Variants in SESTD1 observed in about 807,000 individuals in gnomAD.
SESTD1 encodes SEC14 domain and spectrin repeat-containing protein 1.
SESTD1 carries 43 observed loss-of-function variants against 101.7 expected under a neutral mutation model. The ratio of observed to expected loss-of-function variants is 0.42; its 90% CI spans 0.33 to 0.55. The LOEUF (loss-of-function observed/expected upper bound fraction) is 0.55. Among genes scored for constraint, SESTD1 ranks in the 20% least tolerant of loss-of-function variants. SESTD1 has a pLI of 0.07. For missense variants in SESTD1, 647 were observed against 815.1 expected (o/e 0.79, Z 2.51); for synonymous variants, 283 against 286.8 (o/e 0.99, Z 0.13).
chr2:179,176,568 A>G, intron 3 of SESTD1, 30 bp from the exon 4 acceptor site: 1 of 1,571,024 alleles, frequency 6.4e-7, no homozygotes, highest in Non-Finnish European at 8.7e-7. Context: ...CAAAGCATTA[A>G]AACAAGCTCC....
At chr2:179,136,562 T>C (rs932941688) in intron 9 of SESTD1, among the ~76,000 whole-genome samples, 1 of 152,166 alleles carries the variant, frequency 6.6e-6, no homozygotes, top group Non-Finnish European at 1.5e-5. Flanking sequence ...TATAGAAACA[T>C]AGTGATAAAA....
chr2:179,227,678 T>C (rs1574050548), intron 1 of SESTD1, among the ~76,000 whole-genome samples: 1 of 152,162 alleles, frequency 6.6e-6, no homozygotes, highest in Admixed American at 6.6e-5. Flanking sequence ...TCACTGCTTT[T>C]AGTACAAAGC....
At chr2:179,235,636 TA>T (rs2047055047) in intron 1 of SESTD1, among the ~76,000 whole-genome samples, 1 of 152,190 alleles carries the variant, frequency 6.6e-6, no homozygotes, top group Admixed American at 6.5e-5. Flanking sequence ...TCAACAGCAC[TA>T]TTGCCTCAAT....
At chr2:179,120,203 TAGTGACA>T in intron 13 of SESTD1, among the ~76,000 whole-genome samples, 1 of 151,314 alleles carries the variant, frequency 6.6e-6, no homozygotes, top group Non-Finnish European at 1.5e-5. Context: ...CACTCCAGCC[TAGTGACA>T]GAGCGAGACT....
chr2:179,248,631 C>CA lies in SESTD1; in HGVS notation c.-26+15867dup, dbSNP rs895070183. Among the ~76,000 whole-genome samples, 227 of 139,832 alleles carry CA rather than the reference C, an allele frequency of 1.6e-3. 1 individual carries two copies. The highest frequency in any genetic ancestry group is 0.011 in the Middle Eastern group (3 of 270). 91.7% of individuals were successfully genotyped at this position (139,832 alleles called of 152,430 possible). ...ACAATCACATAATCATGAACTCTTG[C>CA]AAAAAAAAAAGCAATAGGCAAAATT... is the stretch of plus-strand genomic sequence containing the variant. On this transcript the variant is annotated intron_variant, in intron 1 of 17. Coordinates refer to ENST00000428443, the MANE Select transcript of SESTD1 (RefSeq NM_178123.5).
chr2:179,111,577 T>C (rs1268015244), intron 17 of SESTD1, among the ~76,000 whole-genome samples: 1 of 152,210 alleles, frequency 6.6e-6, no homozygotes, highest in Non-Finnish European at 1.5e-5. Flanking sequence ...CATCACACTA[T>C]ACCACAACGT....
intron 16 of SESTD1, among the ~76,000 whole-genome samples, chr2:179,113,911 T>C (rs565681372): frequency 1.5e-4 from 23 of 150,798 alleles, no homozygotes; most frequent in Non-Finnish European, 2.2e-4. Context: ...ATTGGGCCAA[T>C]TGTCACCCTT....
At chr2:179,184,129 T>C (rs193086104) in intron 2 of SESTD1, among the ~76,000 whole-genome samples, 147 of 152,248 alleles carry the variant, frequency 9.7e-4, no homozygotes, top group African/African-American at 3.3e-3. Context: ...TCCATGTACG[T>C]TCAAGTCCCT....
intron 6 of SESTD1, among the ~76,000 whole-genome samples, chr2:179,150,409 C>T (rs542641130): frequency 9.9e-5 from 15 of 151,554 alleles, no homozygotes; most frequent in African/African-American, 2.2e-4. Context: ...ATGCCAAAGA[C>T]GATACATTTT....
intron 1 of SESTD1, among the ~76,000 whole-genome samples, chr2:179,245,822 C>T (rs2047221574): frequency 6.6e-6 from 1 of 152,124 alleles, no homozygotes; most frequent in South Asian, 2.1e-4. Context: ...AAATATATTA[C>T]TCTAAATATA....
In SESTD1 at chr2:179,241,943, T is replaced by A. The variant is rs531650599; in HGVS notation, c.-26+22556A>T. 2.9e-3 allele frequency among the ~76,000 whole-genome samples: 423 copies of A among 143,922 alleles called. 3 individuals are homozygous for A. The highest frequency in any genetic ancestry group is 0.01 in the African/African-American group (397 of 39,112). 94.4% of individuals were successfully genotyped at this position (143,922 alleles called of 152,430 possible). ...TCTCATAAAAAAAAAAAAAAAAAAA[T>A]TAAGAACAGGCAGGAAGGCCTAGAG... is the stretch of plus-strand genomic sequence containing the variant. On this transcript the variant is annotated intron_variant, in intron 1 of 17. Coordinates refer to ENST00000428443, the MANE Select transcript of SESTD1 (RefSeq NM_178123.5).
Position 179,115,160 on chromosome 2 carries a change from G to A in SESTD1, c.1744C>T (p.Arg582Ter). The part of the protein sequence containing the change: ...TSRSSGDTLP[R>*]LNRVWKQFTI... ...AATTGTTTCCATACTCTGTTCAGTC[G>A]AGGAAGTGTATCCCCAGATGACCGA... The change falls in exon 16 of 18, where the codon CGA (arginine) becomes TGA (stop). Residue 582 changes from arginine to a stop codon, truncating the protein, a stop_gained. Transcript: ENST00000428443. LOFTEE classifies it high-confidence loss of function. The A allele has an allele frequency of 1.2e-6, 2 of 1,613,880 alleles. No individual in the cohort carries two copies. The highest frequency in any genetic ancestry group is 8.5e-7 in the Non-Finnish European group (1 of 1,179,910).
At chr2:179,223,989 A>C (rs1218103534) in intron 1 of SESTD1, among the ~76,000 whole-genome samples, 1 of 152,196 alleles carries the variant, frequency 6.6e-6, no homozygotes, top group Non-Finnish European at 1.5e-5. Context: ...CAATGCTATT[A>C]CATGTTTTAA....
chr2:179,134,571 T>C (rs948207626), intron 9 of SESTD1, among the ~76,000 whole-genome samples: 3 of 152,226 alleles, frequency 2.0e-5, no homozygotes, highest in African/African-American at 7.2e-5. Context: ...AGTAATTCTA[T>C]GACTAACACA....
chr2:179,187,363 G>T lies in SESTD1; in HGVS notation c.56-4175C>A, dbSNP rs928865736. On this transcript the variant is annotated intron_variant, in intron 2 of 17. Coordinates refer to ENST00000428443, the MANE Select transcript of SESTD1 (RefSeq NM_178123.5). ...GATTTGGCCAAGCACAGTAGCTCAT[G>T]CCTATAATCTCAGCAATTTGGGAGA... Among the ~76,000 whole-genome samples, 9 of 152,290 alleles carry T rather than the reference G, an allele frequency of 5.9e-5. No individual in the cohort carries two copies. In the East Asian group the frequency reaches 1.7e-3, roughly 29 times the overall value.
intron 13 of SESTD1, among the ~76,000 whole-genome samples, chr2:179,120,388 G>C (rs910107074): frequency 6.6e-6 from 1 of 152,174 alleles, no homozygotes; most frequent in African/African-American, 2.4e-5. Context: ...CGGGAGAGCT[G>C]TAACTACTAA....
At chr2:179,110,991 A>T (rs2044493226) in intron 17 of SESTD1, among the ~76,000 whole-genome samples, 1 of 152,204 alleles carries the variant, frequency 6.6e-6, no homozygotes, top group South Asian at 2.1e-4. Context: ...TATCTGTGAA[A>T]CACAGACGAG....
chr2:179,166,050 C>T (rs1285946829), intron 5 of SESTD1, among the ~76,000 whole-genome samples: 5 of 152,090 alleles, frequency 3.3e-5, no homozygotes, highest in Non-Finnish European at 7.4e-5. Flanking sequence ...TACTTGCTTA[C>T]CTGGGAAAAA....
chr2:179,146,540 A>G, intron 7 of SESTD1, 83 bp from the exon 8 acceptor site: 1 of 1,137,660 alleles, frequency 8.8e-7, no homozygotes, highest in Non-Finnish European at 1.3e-6. Context: ...ATAAAAAAAC[A>G]GAACAGGGGC....
Sources: gnomAD v4.1 joint callset for allele counts (sites outside exome capture counted in the v4.1 genomes callset) on GRCh38, gnomAD v4.1.1 for gene constraint, MANE v1.5 for transcripts, NCBI Gene and HGNC (gene_info 2026-07-23, HGNC 2026-07-21) for gene names.